Variants in MICU2 observed in about 807,000 individuals in gnomAD.
The protein encoded by MICU2 is mitochondrial calcium uptake 2, also known as calcium uptake protein 2, mitochondrial.
A neutral mutation model predicts 60.4 loss-of-function variants in MICU2; 64 were observed. The ratio of observed to expected loss-of-function variants is 1.06; its 90% confidence interval spans 0.87 to 1.31. The LOEUF is 1.31. Ranked by LOEUF, MICU2 falls within the 50% of genes most tolerant of loss-of-function variation. The pLI, the probability that MICU2 is intolerant of heterozygous loss-of-function variation, is 0.00. For missense variants in MICU2, 569 were observed against 531.0 expected, an observed-to-expected ratio of 1.07 and a Z score of -0.70; for synonymous variants, 201 against 175.0, an observed-to-expected ratio of 1.15 and a Z score of -1.17.
chr13:21,528,490 T>C (rs1350785096), intron 4 of MICU2, among the ~76,000 whole-genome samples: 2 of 152,208 alleles, frequency 1.3e-5, no homozygotes, highest in South Asian at 2.1e-4. Flanking sequence ...TGTAAGCACT[T>C]TTTTCCTATA....
chr13:21,551,785 G>A (rs1406229487), intron 2 of MICU2, among the ~76,000 whole-genome samples: 1 of 151,902 alleles, frequency 6.6e-6, no homozygotes, highest in African/African-American at 2.4e-5. Flanking sequence ...TTTTATGGCT[G>A]CATAGTATTC....
intron 4 of MICU2, among the ~76,000 whole-genome samples, chr13:21,533,498 T>G (rs1342711452): frequency 6.6e-6 from 1 of 151,366 alleles, no homozygotes; most frequent in South Asian, 2.1e-4. Flanking sequence ...TGATTTTTTG[T>G]ATTTTTAGTA....
intron 1 of MICU2, among the ~76,000 whole-genome samples, chr13:21,591,651 A>C (rs1843917116): frequency 6.6e-6 from 1 of 152,220 alleles, no homozygotes; most frequent in African/African-American, 2.4e-5. Flanking sequence ...AGGAAATGCA[A>C]AAGAACTGAA....
At chr13:21,526,274 C>G (rs1422644985) in intron 4 of MICU2, among the ~76,000 whole-genome samples, 3 of 151,770 alleles carry the variant, frequency 2.0e-5, no homozygotes, top group Non-Finnish European at 4.4e-5. Flanking sequence ...TTATGTCTCT[C>G]TTAATATATA....
intron 1 of MICU2, among the ~76,000 whole-genome samples, chr13:21,585,798 TTTTA>T (rs1174724294): frequency 1.3e-5 from 2 of 152,184 alleles, no homozygotes; most frequent in African/African-American, 2.4e-5. Flanking sequence ...CATTTCTTGC[TTTTA>T]TTTAACATCT....
At chr13:21,597,653 C>T (rs2153996) in intron 1 of MICU2, among the ~76,000 whole-genome samples, 4,985 of 152,150 alleles carry the variant, frequency 0.033, 281 homozygotes, top group African/African-American at 0.11. Context: ...CAGGGCCGGG[C>T]GCGGTGGCTC....
At chr13:21,536,862 A>G (rs112944068) in intron 4 of MICU2, among the ~76,000 whole-genome samples, 11 of 152,226 alleles carry the variant, frequency 7.2e-5, no homozygotes, top group Non-Finnish European at 1.2e-4. Context: ...CAGATCCTTG[A>G]TAAGGTTCAC....
At chr13:21,594,954 G>A (rs150376720) in intron 1 of MICU2, among the ~76,000 whole-genome samples, 42 of 152,224 alleles carry the variant, frequency 2.8e-4, no homozygotes, top group Non-Finnish European at 4.9e-4. Flanking sequence ...CACATATACC[G>A]ATGTAACAAA....
chr13:21,598,544 C>T (rs371588052), intron 1 of MICU2, among the ~76,000 whole-genome samples: 432 of 152,028 alleles, frequency 2.8e-3, no homozygotes, highest in Non-Finnish European at 4.6e-3. Context: ...GGTGAAACCC[C>T]GTCTCTACTA....
At chr13:21,568,560 T>C (rs1356152067) in intron 1 of MICU2, among the ~76,000 whole-genome samples, 1 of 152,200 alleles carries the variant, frequency 6.6e-6, no homozygotes, top group Non-Finnish European at 1.5e-5. Flanking sequence ...GGGGCAAATA[T>C]ACATGTTTTC....
chr13:21,539,270 T>A, intron 4 of MICU2, 32 bp downstream of exon 4: 2 of 1,573,854 alleles, frequency 1.3e-6, no homozygotes, highest in Middle Eastern at 1.7e-4. Flanking sequence ...ATAAAACACA[T>A]AACTAGAAAT....
Position 21,503,017 on chromosome 13 carries a change from T to G in MICU2, c.842A>C (p.Glu281Ala). 1 of 1,610,848 alleles carries G rather than the reference T, an allele frequency of 6.2e-7. No homozygotes were observed. The highest frequency in any genetic ancestry group is 8.5e-7 in the Non-Finnish European group (1 of 1,178,944). ...FSKGLSFMRK[E>A]DFAEWLLFFT... is the part of the protein sequence containing the mutation. ...AAAAAGTAGCCACTCTGCAAAGTCT[T>G]CTTTTCTCATGAAACTCAAACCTTT... is the stretch of plus-strand genomic sequence containing the variant. Residue 281 changes from glutamate to alanine, a missense_variant, in exon 9 of 12, where the codon GAA becomes GCA. Glu to Ala is a moderately radical substitution (Grantham distance 107). Transcript: ENST00000382374.
At position 21,603,920 on chromosome 13, in the gene MICU2, G is replaced by A. The variant is rs1255568069; in HGVS notation, c.210+19C>T. The A allele has an allele frequency of 1.3e-6, 2 of 1,596,152 alleles. No homozygotes were observed. The highest frequency in any genetic ancestry group is 2.3e-5 in the East Asian group (1 of 44,208). On this transcript the variant is annotated intron_variant, in intron 1 of 11. Transcript: ENST00000382374. ...GGGAGGAGCTTGACTGGGGCTAGCA[G>A]AAGGAGTTAGTCCTGTACCTGTGCG... is the stretch of plus-strand genomic sequence containing the variant.
chr13:21,567,448 C>G (rs2249901), intron 1 of MICU2, among the ~76,000 whole-genome samples: 59,234 of 151,960 alleles, frequency 0.39, 12,266 homozygotes, highest in Non-Finnish European at 0.46. Context: ...ACCAGAGTGA[C>G]TGAGGAAAGA....
chr13:21,518,267 G>C (rs1886631072), intron 6 of MICU2, among the ~76,000 whole-genome samples: 1 of 152,200 alleles, frequency 6.6e-6, no homozygotes, highest in Non-Finnish European at 1.5e-5. Context: ...GGACTGTATG[G>C]TAAAAGGCGC....
intron 2 of MICU2, among the ~76,000 whole-genome samples, chr13:21,545,597 C>A (rs1887395935): frequency 6.6e-6 from 1 of 151,888 alleles, no homozygotes; most frequent in Non-Finnish European, 1.5e-5. Flanking sequence ...AGGAGAATCA[C>A]TTGAGCCTGG....
At chr13:21,519,664 C>T (rs1157250943) in intron 6 of MICU2, among the ~76,000 whole-genome samples, 1 of 152,204 alleles carries the variant, frequency 6.6e-6, no homozygotes, top group African/African-American at 2.4e-5. Context: ...GGCTACATTA[C>T]TGATCTCCAG....
intron 1 of MICU2, among the ~76,000 whole-genome samples, chr13:21,600,820 G>A (rs954188645): frequency 7.5e-6 from 1 of 133,064 alleles, no homozygotes; most frequent in African/African-American, 2.8e-5. Context: ...ATTTTGAGAC[G>A]GAGTCTTGCT....
At chr13:21,545,665 C>A (rs572818338) in intron 2 of MICU2, among the ~76,000 whole-genome samples, 219 of 149,792 alleles carry the variant, frequency 1.5e-3, no homozygotes, top group African/African-American at 5.2e-3. Flanking sequence ...AGAGCGAAAA[C>A]TCCATCTAAA....
Sources: gnomAD v4.1 joint callset for allele counts (sites outside exome capture counted in the v4.1 genomes callset) on GRCh38, gnomAD v4.1.1 for gene constraint, MANE v1.5 for transcripts, NCBI Gene and HGNC (gene_info 2026-07-23, HGNC 2026-07-21) for gene names.